SLC26A7: variants seen among roughly 807,000 people sequenced by gnomAD.
SLC26A7 encodes the protein solute carrier family 26 member 7, also known as anion exchange transporter.
In SLC26A7, 59 loss-of-function variants were observed where a neutral mutation model predicts 82.5. That is an observed-to-expected ratio of 0.72 (90% confidence interval 0.58 to 0.89). SLC26A7 has a LOEUF of 0.89. Ranked by LOEUF, SLC26A7 falls within the 40% of genes least tolerant of loss-of-function variation. The pLI is 0.00. For missense variants in SLC26A7, 820 were observed against 793.0 expected, an observed-to-expected ratio of 1.03 and a Z score of -0.41; for synonymous variants, 271 against 274.3, an observed-to-expected ratio of 0.99 and a Z score of 0.12.
At chr8:91,360,034 T>A (rs1442890878) in intron 11 of SLC26A7, among the ~76,000 whole-genome samples, 1 of 152,158 alleles carries the variant, frequency 6.6e-6, no homozygotes, top group Non-Finnish European at 1.5e-5. Flanking sequence ...GAGTTGTTGG[T>A]CAAAACTCTC....
intron 9 of SLC26A7, among the ~76,000 whole-genome samples, chr8:91,345,053 C>CAG (rs934248928): frequency 2.0e-5 from 3 of 151,120 alleles, no homozygotes; most frequent in African/African-American, 7.3e-5. Context: ...AGTATCCTTT[C>CAG]ACCTCAGTAT....
chr8:91,396,485 A>G lies in SLC26A7; in HGVS notation c.*1388A>G, dbSNP rs1489908837. The G allele has an allele frequency of 6.6e-6, 1 of 152,060 alleles. No individual in the cohort carries two copies. The highest frequency in any genetic ancestry group is 1.5e-5 in the Non-Finnish European group (1 of 67,900). 9.4% of individuals were successfully genotyped at this position (152,060 alleles called of 1,614,324 possible). On this transcript the variant is annotated 3_prime_UTR_variant, in exon 19 of 19. Transcript: ENST00000276609. ...CAAGTGATGGATTATAATGGTCTCT[A>G]GCAAATGTGTGGTAAACATTCATAT... is the stretch of plus-strand genomic sequence containing the variant.
rs1260709159 is a variant in SLC26A7 at position 91,397,165 on chromosome 8, T to C, written c.*2068T>C. The C allele has an allele frequency of 6.6e-6, 1 of 152,096 alleles. No individual in the cohort carries two copies. The highest frequency in any genetic ancestry group is 2.4e-5 in the African/African-American group (1 of 41,432). The allele number at this position is 152,096 out of a possible 1,614,324, so 9.4% of individuals were successfully genotyped here. ...AACTTGGGGGTCAAATGCTAATGTT[T>C]TATTCAATGTAAAGGAAGACCAAAC... On this transcript the variant is annotated 3_prime_UTR_variant, in exon 19 of 19. Transcript: ENST00000276609.
rs1442417233 is a variant in SLC26A7, at chr8:91,318,642, T to G, written c.642+262T>G. 2.0e-5 allele frequency among the ~76,000 whole-genome samples: 3 copies of G among 152,278 alleles called. No individual in the cohort carries two copies. In the East Asian group the frequency reaches 5.8e-4, roughly 29 times the overall value. On this transcript the variant is annotated intron_variant, in intron 5 of 18. Coordinates refer to ENST00000276609, the MANE Select transcript of SLC26A7 (RefSeq NM_052832.4). ...ATAATTAGAAAAAAAAAACCTGAAT[T>G]TTTTGTGAGCCAGGTATTGTTGCCA...
intron 2 of SLC26A7, among the ~76,000 whole-genome samples, chr8:91,229,973 C>T (rs529962435): frequency 2.0e-5 from 3 of 152,168 alleles, no homozygotes; most frequent in African/African-American, 7.2e-5. Flanking sequence ...CCTTCACCCC[C>T]GGCAAACAAC....
rs1808614248 is a variant in SLC26A7, at chr8:91,397,770, T to C, written c.*2673T>C. 6.5e-6 allele frequency: 1 copy of C among 152,694 alleles called. No individual in the cohort carries two copies. The highest frequency in any genetic ancestry group is 1.9e-4 in the East Asian group (1 of 5,184). 9.5% of individuals were successfully genotyped at this position (152,694 alleles called of 1,614,324 possible). ...AATGTGATGAAGAAAGAGATCTTTC[T>C]TTTTTAATGAAAACATTAATGTGTT... is the stretch of plus-strand genomic sequence containing the variant. On this transcript the variant is annotated 3_prime_UTR_variant, in exon 19 of 19. Transcript: ENST00000276609.
At chr8:91,325,913 G>C (rs1812919872) in intron 5 of SLC26A7, among the ~76,000 whole-genome samples, 1 of 152,144 alleles carries the variant, frequency 6.6e-6, no homozygotes, top group African/African-American at 2.4e-5. Flanking sequence ...TGGAGCCTTG[G>C]TTTCTATTTC....
At chr8:91,328,085 A>C (rs1812982674) in intron 5 of SLC26A7, among the ~76,000 whole-genome samples, 1 of 152,144 alleles carries the variant, frequency 6.6e-6, no homozygotes, top group Admixed American at 6.6e-5. Context: ...ATTGAGCAGA[A>C]AGTTTATTTA....
intron 11 of SLC26A7, among the ~76,000 whole-genome samples, chr8:91,357,996 GAC>G (rs1391883904): frequency 1.3e-5 from 2 of 152,082 alleles, no homozygotes; most frequent in Non-Finnish European, 2.9e-5. Context: ...GCAGCCAACA[GAC>G]ACATGAAAAA....
At chr8:91,254,819 C>G (rs1367107844) in intron 2 of SLC26A7, among the ~76,000 whole-genome samples, 2 of 152,068 alleles carry the variant, frequency 1.3e-5, no homozygotes, top group Non-Finnish European at 2.9e-5. Flanking sequence ...TTAGTAACAT[C>G]ATGTAAGAGC....
intron 9 of SLC26A7, among the ~76,000 whole-genome samples, chr8:91,347,591 C>G (rs1189016255): frequency 6.6e-6 from 1 of 152,066 alleles, no homozygotes; most frequent in African/African-American, 2.4e-5. Flanking sequence ...TCCTCAAGAG[C>G]CATATGAGGC....
chr8:91,344,124 C>T, intron 9 of SLC26A7: 3 of 985,310 alleles, frequency 3.0e-6, no homozygotes, highest in Non-Finnish European at 3.6e-6. Flanking sequence ...CAGGCATTGG[C>T]TGTCATACTT....
At chr8:91,277,026 A>C (rs1811425471) in intron 2 of SLC26A7, among the ~76,000 whole-genome samples, 1 of 152,138 alleles carries the variant, frequency 6.6e-6, no homozygotes, top group Non-Finnish European at 1.5e-5. Context: ...ACATGGCCTC[A>C]AGTCCTTTCT....
At chr8:91,222,082 T>G (rs542109635) in intron 2 of SLC26A7, among the ~76,000 whole-genome samples, 19 of 152,248 alleles carry the variant, frequency 1.2e-4, no homozygotes, top group African/African-American at 4.3e-4. Flanking sequence ...TGAAGAGGGC[T>G]TTCATGTCCC....
intron 5 of SLC26A7, among the ~76,000 whole-genome samples, chr8:91,321,984 T>C (rs902909540): frequency 8.5e-5 from 13 of 152,192 alleles, no homozygotes; most frequent in African/African-American, 3.1e-4. Flanking sequence ...TAGGTGTTCA[T>C]TAAGTGGAAG....
intron 2 of SLC26A7, among the ~76,000 whole-genome samples, chr8:91,278,371 CT>C (rs562821758): frequency 9.7e-4 from 148 of 152,192 alleles, no homozygotes; most frequent in Middle Eastern, 6.8e-3. Context: ...CAAAATTATC[CT>C]TCTATGCTCT....
chr8:91,338,060 A>T, intron 6 of SLC26A7, 90 bp from the exon 7 acceptor site: 1 of 726,168 alleles, frequency 1.4e-6, no homozygotes. Context: ...ATGGGACATG[A>T]GAACAATGTT....
chr8:91,321,145 T>C (rs774995990), intron 5 of SLC26A7, among the ~76,000 whole-genome samples: 5 of 152,226 alleles, frequency 3.3e-5, no homozygotes, highest in Non-Finnish European at 7.3e-5. Context: ...AGAATCTCAT[T>C]CCCTAGTTGA....
At chr8:91,340,348 T>G in intron 7 of SLC26A7, 56 bp from the exon 8 acceptor site, 1 of 1,583,778 alleles carries the variant, frequency 6.3e-7, no homozygotes, top group Non-Finnish European at 8.6e-7. Context: ...TCATTGCAAG[T>G]TGTTACAGAA....
Sources: allele counts gnomAD v4.1 joint callset (sites outside exome capture counted in the v4.1 genomes callset), GRCh38; gene constraint gnomAD v4.1.1; transcripts MANE v1.5; gene names NCBI Gene and HGNC (gene_info 2026-07-23, HGNC 2026-07-21).